Variants in EFNA5 observed in about 807,000 individuals in gnomAD.
The protein encoded by EFNA5 is ephrin-A5.
A neutral mutation model predicts 22.9 loss-of-function variants in EFNA5; 5 were observed. The ratio of observed to expected loss-of-function variants is 0.22; its 90% CI spans 0.11 to 0.46. The LOEUF is 0.46. Ranked by LOEUF, EFNA5 falls within the 20% of genes least tolerant of loss-of-function variation. The pLI is 0.99. For synonymous variants in EFNA5, 113 were observed against 112.2 expected (o/e 1.01, Z -0.04); for missense variants, 237 against 293.3 (o/e 0.81, Z 1.40).
rs547829804 is a variant in EFNA5 at position 107,515,532 on chromosome 5, C to G, written c.126-88023G>C. 8.5e-5 allele frequency among the ~76,000 whole-genome samples: 13 copies of G among 152,072 alleles called. 1 individual carries two copies. Among genetic ancestry groups the G allele is most frequent in the African/African-American group, 3.1e-4 (13 of 41,496 alleles). ...TAGCTGGGACTACAGGCATGCGCCA[C>G]CACACCAGGCTAATTTTGTGTTTTT... On this transcript the variant is annotated intron_variant, in intron 1 of 4. Coordinates refer to ENST00000333274, the MANE Select transcript of EFNA5 (RefSeq NM_001962.3).
chr5:107,560,236 T>C (rs896868375), intron 1 of EFNA5, among the ~76,000 whole-genome samples: 1 of 152,204 alleles, frequency 6.6e-6, no homozygotes, highest in Non-Finnish European at 1.5e-5. Flanking sequence ...ATACGAAGAT[T>C]TTCAATTTTT....
chr5:107,427,060 T>A, intron 2 of EFNA5, 157 bp downstream of exon 2: 2 of 766,900 alleles, frequency 2.6e-6, no homozygotes, highest in South Asian at 3.5e-5. Flanking sequence ...GTGCTCTCAA[T>A]TCCCAGCTAA....
At chr5:107,652,965 T>TCTG (rs1360477760) in intron 1 of EFNA5, among the ~76,000 whole-genome samples, 3 of 152,026 alleles carry the variant, frequency 2.0e-5, no homozygotes, top group African/African-American at 7.3e-5. Context: ...TCAAATGGCA[T>TCTG]ATGGTTCTCC....
In EFNA5 at chr5:107,415,128, G is replaced by A. The variant is rs1031100972; in HGVS notation, c.418+12089C>T. 5.9e-5 allele frequency among the ~76,000 whole-genome samples: 9 copies of A among 152,054 alleles called. No individual in the cohort carries two copies. In the South Asian group the frequency reaches 6.2e-4, roughly 11 times the overall value. ...TTCAGTTTTTCTCATTTGTAAAATC[G>A]GAACAATAACAGTGCCTAACACGTA... On this transcript the variant is annotated intron_variant, in intron 2 of 4. Coordinates refer to ENST00000333274, the MANE Select transcript of EFNA5 (RefSeq NM_001962.3).
intron 2 of EFNA5, among the ~76,000 whole-genome samples, chr5:107,390,195 C>T (rs1350618160): frequency 2.6e-5 from 4 of 152,108 alleles, no homozygotes; most frequent in African/African-American, 4.8e-5. Flanking sequence ...AAGATGAAAA[C>T]GTTTTCCATG....
rs557580762 is a variant in EFNA5 at position 107,638,466 on chromosome 5, T to C, written c.125+32023A>G. Among the ~76,000 whole-genome samples, 4 of 152,316 alleles carry C rather than the reference T, an allele frequency of 2.6e-5. No homozygotes were observed. In the East Asian group the frequency reaches 7.7e-4, roughly 29 times the overall value. ...CTACAGCTAATAACAATACATTGTA[T>C]AGAGTTGACCTACTGCAACCACAAA... is the stretch of plus-strand genomic sequence containing the variant. On this transcript the variant is annotated intron_variant, in intron 1 of 4. Transcript: ENST00000333274.
At chr5:107,498,728 G>T (rs910175576) in intron 1 of EFNA5, among the ~76,000 whole-genome samples, 6 of 152,160 alleles carry the variant, frequency 3.9e-5, no homozygotes, top group African/African-American at 1.4e-4. Context: ...CAGGTTGAAT[G>T]CCATGAAGCT....
At chr5:107,426,311 T>C (rs1748808574) in intron 2 of EFNA5, among the ~76,000 whole-genome samples, 1 of 152,218 alleles carries the variant, frequency 6.6e-6, no homozygotes, top group Non-Finnish European at 1.5e-5. Flanking sequence ...CACAACAAGC[T>C]GCTTAAAGTA....
intron 1 of EFNA5, among the ~76,000 whole-genome samples, chr5:107,591,431 C>A (rs896080077): frequency 6.6e-6 from 1 of 152,112 alleles, no homozygotes; most frequent in South Asian, 2.1e-4. Flanking sequence ...CCACAGCATC[C>A]TATTTTCTTC....
intron 1 of EFNA5, among the ~76,000 whole-genome samples, chr5:107,530,566 A>AG (rs1269968022): frequency 6.6e-6 from 1 of 152,256 alleles, no homozygotes; most frequent in African/African-American, 2.4e-5. Flanking sequence ...AATGGCCTGC[A>AG]GAAAATATTG....
intron 1 of EFNA5, among the ~76,000 whole-genome samples, chr5:107,610,012 G>A (rs1185854157): frequency 6.6e-6 from 1 of 152,146 alleles, no homozygotes; most frequent in Non-Finnish European, 1.5e-5. Context: ...GAAAGGGAAG[G>A]GGGAAAATTG....
chr5:107,633,774 G>A (rs1750312692), intron 1 of EFNA5, among the ~76,000 whole-genome samples: 1 of 152,166 alleles, frequency 6.6e-6, no homozygotes, highest in Non-Finnish European at 1.5e-5. Flanking sequence ...CCACAGGGAG[G>A]AAAGGGGCAA....
intron 2 of EFNA5, among the ~76,000 whole-genome samples, chr5:107,395,670 C>T (rs1747903099): frequency 6.6e-6 from 1 of 152,204 alleles, no homozygotes; most frequent in Admixed American, 6.5e-5. Flanking sequence ...GTGACTTTCT[C>T]AGGCTTTAAG....
chr5:107,499,093 A>C (rs2112423521), intron 1 of EFNA5, among the ~76,000 whole-genome samples: 1 of 152,280 alleles, frequency 6.6e-6, no homozygotes. Context: ...TCATAACCAA[A>C]TAGCAAGCAC....
At chr5:107,387,797 G>GGAAA in intron 2 of EFNA5, 26 bp from the exon 3 acceptor site, 1 of 1,527,464 alleles carries the variant, frequency 6.5e-7, no homozygotes. Flanking sequence ...AGAGAGAGCA[G>GGAAA]GAAAGAAAGA....
chr5:107,591,832 T>A (rs1419588262), intron 1 of EFNA5, among the ~76,000 whole-genome samples: 1 of 101,104 alleles, frequency 9.9e-6, no homozygotes, highest in African/African-American at 4.1e-5. Context: ...AAAAAATATA[T>A]ATATATATAT....
chr5:107,569,572 TA>T (rs66527571), intron 1 of EFNA5, among the ~76,000 whole-genome samples: 73,969 of 125,024 alleles, frequency 0.59, 23,001 homozygotes, highest in South Asian at 0.7. Context: ...TATATATATA[TA>T]TATATATATA....
intron 1 of EFNA5, among the ~76,000 whole-genome samples, chr5:107,666,047 A>T (rs1238156870): frequency 1.3e-5 from 2 of 152,200 alleles, no homozygotes; most frequent in Non-Finnish European, 2.9e-5. Context: ...TGTTTCTAAC[A>T]TACAAAATAT....
chr5:107,553,723 T>A, intron 1 of EFNA5, among the ~76,000 whole-genome samples: 1 of 152,230 alleles, frequency 6.6e-6, no homozygotes, highest in Non-Finnish European at 1.5e-5. Flanking sequence ...ATTCACTAAA[T>A]AGATAATAGT....
Sources: gnomAD v4.1 joint callset for allele counts (sites outside exome capture counted in the v4.1 genomes callset) on GRCh38, gnomAD v4.1.1 for gene constraint, MANE v1.5 for transcripts, NCBI Gene and HGNC (gene_info 2026-07-23, HGNC 2026-07-21) for gene names.